The following ALPK2 variants were observed in gnomAD, a reference collection of about 807,000 sequenced individuals.
ALPK2 encodes the protein alpha kinase 2, also known as alpha-protein kinase 2.
Under a neutral mutation model 163.1 loss-of-function variants are expected in ALPK2, and 127 were observed. The observed-to-expected ratio is 0.78, with a 90% CI of 0.67 to 0.90. The LOEUF (loss-of-function observed/expected upper bound fraction) is 0.90, where lower values mean the gene tolerates loss of function less well. Among genes scored for constraint, ALPK2 ranks in the 40% least tolerant of loss-of-function variants. ALPK2 has a pLI of 0.00. For missense variants in ALPK2, 2,360 were observed against 2,589.6 expected (o/e 0.91, Z 1.92); for synonymous variants, 953 against 959.1 (o/e 0.99, Z 0.12).
At position 58,537,675 on chromosome 18, in the gene ALPK2, C is replaced by A. The variant is rs777843581; in HGVS notation, c.2512G>T (p.Val838Leu). 6.2e-7 allele frequency: 1 copy of A among 1,614,032 alleles called. No individual in the cohort carries two copies. The highest frequency in any genetic ancestry group is 1.1e-5 in the South Asian group (1 of 91,074). ...TGACCTTCTGCCAGTTCCGTATCTA[C>A]AGAGCAAATTTCTTGAGGCGAATAT... ...DKYSPQEICS[V>L]DTELAEGQNK... is the part of the protein sequence containing the mutation. Residue 838 changes from valine (V) to leucine (L), a missense_variant, in exon 5 of 13, where the codon GTA (valine) becomes TTA (leucine). Val to Leu is a conservative substitution (Grantham distance 32, BLOSUM62 1). Transcript: ENST00000361673.
intron 8 of ALPK2, among the ~76,000 whole-genome samples, chr18:58,518,923 A>G (rs2051535771): frequency 6.6e-6 from 1 of 152,222 alleles, no homozygotes; most frequent in African/African-American, 2.4e-5. Context: ...AGTATCTCCC[A>G]TGTATATATG....
chr18:58,530,861 C>T (rs1443119097), intron 5 of ALPK2, among the ~76,000 whole-genome samples: 1 of 152,012 alleles, frequency 6.6e-6, no homozygotes, highest in South Asian at 2.1e-4. Flanking sequence ...TAGTAAAGTC[C>T]CCGGTGAATA....
chr18:58,541,841 G>A (rs940926999), intron 4 of ALPK2, among the ~76,000 whole-genome samples: 3 of 152,154 alleles, frequency 2.0e-5, no homozygotes, highest in Non-Finnish European at 2.9e-5. Flanking sequence ...TCAAGAGCAG[G>A]CTCCTCGGTT....
In ALPK2 at chr18:58,481,333, C is replaced by T. The variant is rs1337176934; in HGVS notation, c.*490G>A. 2 of 159,200 alleles carry T rather than the reference C, an allele frequency of 1.3e-5. No homozygotes were observed. The highest frequency in any genetic ancestry group is 1.4e-5 in the Non-Finnish European group (1 of 72,266). 9.9% of individuals were successfully genotyped at this position (159,200 alleles called of 1,614,324 possible). A position where few individuals can be genotyped will look rare whatever the true frequency, so the allele number is the denominator to read the frequency against. ...AATGGCTTCACGTCACAGAACCCAC[C>T]TCCGGCAACAATAGCGTATTAGACA... On this transcript the variant is annotated 3_prime_UTR_variant, in exon 13 of 13. Coordinates refer to ENST00000361673, the MANE Select transcript of ALPK2 (RefSeq NM_052947.4).
intron 4 of ALPK2, among the ~76,000 whole-genome samples, chr18:58,566,076 A>T (rs757769827): frequency 1.3e-5 from 2 of 152,222 alleles, no homozygotes; most frequent in African/African-American, 2.4e-5. Flanking sequence ...CCACTGCACC[A>T]GGCCTATTAT....
At chr18:58,619,840 G>T (rs943357665) in intron 1 of ALPK2, among the ~76,000 whole-genome samples, 3 of 152,144 alleles carry the variant, frequency 2.0e-5, no homozygotes, top group East Asian at 1.9e-4. Context: ...ACAAAGACTC[G>T]CACACAACTG....
intron 11 of ALPK2, among the ~76,000 whole-genome samples, chr18:58,499,233 C>A (rs568010903): frequency 2.0e-5 from 3 of 152,166 alleles, no homozygotes; most frequent in Non-Finnish European, 4.4e-5. Context: ...CAGCAAAAAG[C>A]AATAGGCACC....
At chr18:58,597,860 G>T (rs1008875709) in intron 3 of ALPK2, among the ~76,000 whole-genome samples, 3 of 152,222 alleles carry the variant, frequency 2.0e-5, no homozygotes, top group East Asian at 1.9e-4. Context: ...CTCATGACAG[G>T]ATTAGTGCCC....
Position 58,536,475 on chromosome 18 carries a change from T to C in ALPK2, c.3712A>G (p.Ile1238Val), listed in dbSNP as rs2051648650. Residue 1238 changes from isoleucine (I) to valine (V), a missense_variant, in exon 5 of 13, where the codon ATT becomes GTT. Coordinates refer to ENST00000361673, the MANE Select transcript of ALPK2 (RefSeq NM_052947.4). ...GNWEAGNKLK[I>V]ITLEASASEI... ...GAAGCGGAAGCCTCTAGAGTTATAA[T>C]CTTCAGCTTGTTGCCTGCCTCCCAA... 6.2e-7 allele frequency: 1 copy of C among 1,614,070 alleles called. No individual in the cohort carries two copies.
intron 10 of ALPK2, among the ~76,000 whole-genome samples, chr18:58,513,766 G>C (rs193131495): frequency 6.6e-6 from 1 of 152,232 alleles, no homozygotes; most frequent in Non-Finnish European, 1.5e-5. Flanking sequence ...TGTAGTCCCA[G>C]TTACTTTGGA....
rs552702428 is a variant in ALPK2 at position 58,581,566 on chromosome 18, G to T, written c.228-1018C>A. On this transcript the variant is annotated intron_variant, in intron 3 of 12. Transcript: ENST00000361673. ...TGCTCCTGTGGCTCCTCCCATCATT[G>T]TTCAGCATCACAAGGAGCCTGCAGC... Among the ~76,000 whole-genome samples the T allele has an allele frequency of 2.6e-5, 4 of 152,328 alleles. No homozygotes were observed. The East Asian group carries it at 5.8e-4, about 22-fold the overall frequency.
chr18:58,602,385 G>A (rs1311449549), intron 3 of ALPK2, among the ~76,000 whole-genome samples: 1 of 152,214 alleles, frequency 6.6e-6, no homozygotes, highest in Non-Finnish European at 1.5e-5. Context: ...TTCTTTCACA[G>A]TTCATGTGTC....
chr18:58,616,710 G>A lies in ALPK2; in HGVS notation c.-20-4893C>T, dbSNP rs770643047. On this transcript the variant is annotated intron_variant, in intron 1 of 12. Transcript: ENST00000361673. ...ATCGCCTATGGATCTCTGCAAAATC[G>A]CCTGTGGTTCTCTGCATCTGGCAGT... Among the ~76,000 whole-genome samples, 49 of 152,294 alleles carry A rather than the reference G, an allele frequency of 3.2e-4. 1 individual carries two copies. The highest frequency in any genetic ancestry group is 7.2e-4 in the Admixed American group (11 of 15,300).
At chr18:58,531,596 G>A (rs1014879943) in intron 5 of ALPK2, among the ~76,000 whole-genome samples, 5 of 140,278 alleles carry the variant, frequency 3.6e-5, no homozygotes, top group African/African-American at 1.0e-4. Context: ...ATTCTTAAAG[G>A]AATTGGCCCA....
chr18:58,481,617 A>G lies in ALPK2; in HGVS notation c.*206T>C, dbSNP rs2047736832. On this transcript the variant is annotated 3_prime_UTR_variant, in exon 13 of 13. Coordinates refer to ENST00000361673, the MANE Select transcript of ALPK2 (RefSeq NM_052947.4). The stretch of plus-strand genomic sequence containing the variant: ...GACCAATCGTTGATTCAATCTCCCC[A>G]TAAACCTGGTCGCAAATCCTGTTCT... 1 of 593,502 alleles carries G rather than the reference A, an allele frequency of 1.7e-6. No individual in the cohort carries two copies. Among genetic ancestry groups the G allele is most frequent in the Non-Finnish European group, 3.0e-6 (1 of 330,086 alleles). The allele number at this position is 593,502 out of a possible 1,614,324, so 36.8% of individuals were successfully genotyped here. A position where few individuals can be genotyped will look rare whatever the true frequency, so the allele number is the denominator to read the frequency against.
chr18:58,610,452 C>G (rs2052122565), intron 2 of ALPK2, among the ~76,000 whole-genome samples: 1 of 152,074 alleles, frequency 6.6e-6, no homozygotes, highest in South Asian at 2.1e-4. Context: ...TGTTTATGTT[C>G]TTTTAATGAT....
chr18:58,534,879 C>T lies in ALPK2; in HGVS notation c.5308G>A (p.Glu1770Lys), dbSNP rs2051634756. Residue 1770 changes from glutamate (E) to lysine (K), a missense_variant, in exon 5 of 13, where the codon GAG becomes AAG. Coordinates refer to ENST00000361673, the MANE Select transcript of ALPK2 (RefSeq NM_052947.4). ...KLETSLSHTE[E>K]KQDPKKPSCK... ...GATGGCTTTTTTGGGTCTTGTTTCT[C>T]TTCTGTGTGTGATAATGATGTTTCG... is the stretch of plus-strand genomic sequence containing the variant. 6.2e-7 allele frequency: 1 copy of T among 1,613,426 alleles called. No individual in the cohort carries two copies. Among genetic ancestry groups the T allele is most frequent in the Non-Finnish European group, 8.5e-7 (1 of 1,179,914 alleles).
chr18:58,541,677 C>G (rs1320764355), intron 4 of ALPK2, among the ~76,000 whole-genome samples: 1 of 152,226 alleles, frequency 6.6e-6, no homozygotes, highest in East Asian at 1.9e-4. Context: ...ACAGAGATTG[C>G]TGGCCTGTGG....
chr18:58,589,015 T>TA lies in ALPK2; in HGVS notation c.228-8468dup, dbSNP rs984307512. ...TAACAGTTTTGACCCTGAGGATCCC[T>TA]AAAAAGGTGTTAGGGACTTCCAGAA... On this transcript the variant is annotated intron_variant, in intron 3 of 12. Coordinates refer to ENST00000361673, the MANE Select transcript of ALPK2 (RefSeq NM_052947.4). Among the ~76,000 whole-genome samples the TA allele has an allele frequency of 2.6e-5, 4 of 152,290 alleles. 1 individual carries two copies. Among genetic ancestry groups the TA allele is most frequent in the Admixed American group, 6.5e-5 (1 of 15,302 alleles).
Sources: gnomAD v4.1 joint callset for allele counts (sites outside exome capture counted in the v4.1 genomes callset) on GRCh38, gnomAD v4.1.1 for gene constraint, MANE v1.5 for transcripts, NCBI Gene and HGNC (gene_info 2026-07-23, HGNC 2026-07-21) for gene names.